The following IQCM variants were observed in gnomAD, a reference collection of about 807,000 sequenced individuals.
IQCM encodes IQ motif containing M, also known as IQ domain-containing protein M.
In IQCM, 45 loss-of-function variants were observed where a neutral mutation model predicts 57.6. The ratio of observed to expected loss-of-function variants is 0.78; its 90% confidence interval spans 0.62 to 1.00. IQCM has a LOEUF of 1.00. Among genes scored for constraint, IQCM ranks in the 50% least tolerant of loss-of-function variants. The pLI, the probability that IQCM is intolerant of heterozygous loss-of-function variation, is 0.00. For missense variants in IQCM, 468 were observed against 511.6 expected (o/e 0.91, Z 0.82); for synonymous variants, 148 against 158.9 (o/e 0.93, Z 0.51).
chr4:149,474,766 G>A (rs376694564), intron 12 of IQCM, among the ~76,000 whole-genome samples: 91 of 151,818 alleles, frequency 6.0e-4, no homozygotes, highest in African/African-American at 2.0e-3. Flanking sequence ...CAGAGTAGAC[G>A]TAACTGAGAA....
intron 8 of IQCM, among the ~76,000 whole-genome samples, chr4:149,605,125 G>T (rs1426525675): frequency 1.3e-5 from 2 of 152,118 alleles, no homozygotes; most frequent in East Asian, 3.9e-4. Flanking sequence ...CCCACATAAG[G>T]ATATCTCAGA....
chr4:149,744,151 C>A (rs992781622), intron 2 of IQCM, among the ~76,000 whole-genome samples: 1 of 152,162 alleles, frequency 6.6e-6, no homozygotes, highest in African/African-American at 2.4e-5. Flanking sequence ...GGGGAAAATA[C>A]CATTGCAGGT....
chr4:149,573,060 A>G (rs1218169420), intron 9 of IQCM, among the ~76,000 whole-genome samples: 4 of 151,890 alleles, frequency 2.6e-5, no homozygotes, highest in Non-Finnish European at 5.9e-5. Context: ...TTAGAAACAA[A>G]TATCTAAGTA....
chr4:149,550,673 T>C (rs1748943054), intron 11 of IQCM, among the ~76,000 whole-genome samples: 1 of 152,224 alleles, frequency 6.6e-6, no homozygotes, highest in African/African-American at 2.4e-5. Flanking sequence ...TGAAAATTAA[T>C]GAAATTTTCT....
At chr4:149,601,744 C>CAACCAACA (rs1754313512) in intron 8 of IQCM, among the ~76,000 whole-genome samples, 1 of 152,078 alleles carries the variant, frequency 6.6e-6, no homozygotes, top group South Asian at 2.1e-4. Flanking sequence ...TCTGCAGATT[C>CAACCAACA]AACCAACATT....
intron 12 of IQCM, among the ~76,000 whole-genome samples, chr4:149,485,159 G>C (rs1008305474): frequency 2.6e-5 from 4 of 151,918 alleles, no homozygotes; most frequent in East Asian, 1.9e-4. Flanking sequence ...ACCTTTGGGA[G>C]TTTGATTTTC....
At chr4:149,421,315 T>C (rs1336263562) in intron 13 of IQCM, among the ~76,000 whole-genome samples, 1 of 152,016 alleles carries the variant, frequency 6.6e-6, no homozygotes, top group Admixed American at 6.6e-5. Flanking sequence ...TGCACAGATA[T>C]GTGTCGAACT....
At chr4:149,744,379 G>A (rs1279478950) in intron 2 of IQCM, among the ~76,000 whole-genome samples, 1 of 152,102 alleles carries the variant, frequency 6.6e-6, no homozygotes, top group African/African-American at 2.4e-5. Flanking sequence ...GTATAAGAAG[G>A]AAATAAAAAT....
intron 9 of IQCM, among the ~76,000 whole-genome samples, chr4:149,586,272 A>G (rs1752634974): frequency 6.6e-6 from 1 of 151,706 alleles, no homozygotes; most frequent in African/African-American, 2.4e-5. Context: ...TTTTGAAAAC[A>G]AATTCAATTT....
chr4:149,597,836 C>T (rs1247503534), intron 8 of IQCM, among the ~76,000 whole-genome samples: 1 of 151,674 alleles, frequency 6.6e-6, no homozygotes, highest in African/African-American at 2.4e-5. Flanking sequence ...ATAAGAAGCC[C>T]AACAAAAATG....
chr4:149,720,940 CTA>C (rs1282747313), intron 5 of IQCM, among the ~76,000 whole-genome samples: 1 of 152,154 alleles, frequency 6.6e-6, no homozygotes, highest in African/African-American at 2.4e-5. Flanking sequence ...AAAACAATCT[CTA>C]GTTTCCACTT....
rs564152149 is a variant in IQCM at position 149,517,205 on chromosome 4, T to C, written c.1228+31250A>G. 3.2e-4 allele frequency among the ~76,000 whole-genome samples: 48 copies of C among 150,316 alleles called. No homozygotes were observed. The South Asian group carries it at 4.3e-3, about 13-fold the overall frequency. ...AATGGGTAGTAGAAGAAGGTAGTCA[T>C]CAGTTCCAGCTATGACCATGTAGCC... On this transcript the variant is annotated intron_variant, in intron 12 of 13. Coordinates refer to ENST00000636793, the MANE Select transcript of IQCM (RefSeq NM_001363507.2).
intron 7 of IQCM, among the ~76,000 whole-genome samples, chr4:149,637,840 G>A (rs1033133805): frequency 6.6e-6 from 1 of 152,104 alleles, no homozygotes; most frequent in African/African-American, 2.4e-5. Context: ...TGGCTCATAG[G>A]TCAAAATATG....
chr4:149,370,474 G>T (rs748391225), intron 13 of IQCM, among the ~76,000 whole-genome samples: 1 of 151,012 alleles, frequency 6.6e-6, no homozygotes, highest in African/African-American at 2.4e-5. Flanking sequence ...GTCCTCCTCC[G>T]CCCAGAGGAC....
At chr4:149,583,484 C>T (rs1280567551) in intron 9 of IQCM, among the ~76,000 whole-genome samples, 3 of 151,510 alleles carry the variant, frequency 2.0e-5, no homozygotes, top group African/African-American at 7.2e-5. Context: ...ATCAGTCAAG[C>T]ATTTTTAAAA....
chr4:149,794,696 A>G (rs1252698208), intron 2 of IQCM, among the ~76,000 whole-genome samples: 6 of 152,188 alleles, frequency 3.9e-5, no homozygotes, highest in Admixed American at 3.3e-4. Flanking sequence ...ATAGGAGCTT[A>G]AAGGAAATTG....
chr4:149,431,652 C>A (rs1734876748), intron 13 of IQCM, among the ~76,000 whole-genome samples: 2 of 151,940 alleles, frequency 1.3e-5, no homozygotes, highest in Non-Finnish European at 2.9e-5. Context: ...ACACTACCAT[C>A]AAATTTAAGC....
intron 12 of IQCM, among the ~76,000 whole-genome samples, chr4:149,491,653 T>A (rs1319479623): frequency 6.6e-6 from 1 of 152,144 alleles, no homozygotes; most frequent in Non-Finnish European, 1.5e-5. Context: ...TATCCATTCA[T>A]CCATTTATGG....
At position 149,441,611 on chromosome 4, in the gene IQCM, A is replaced by G. The variant is rs148114757; in HGVS notation, c.1229-8054T>C. On this transcript the variant is annotated intron_variant, in intron 12 of 13. Coordinates refer to ENST00000636793, the MANE Select transcript of IQCM (RefSeq NM_001363507.2). ...GCCTGTACACTTTTGGGAGTCCAGA[A>G]GCCTTCTTTCCATTAATACGGTTTC... Among the ~76,000 whole-genome samples, 20 of 152,224 alleles carry G rather than the reference A, an allele frequency of 1.3e-4. No homozygotes were observed. In the East Asian group the frequency reaches 3.3e-3, roughly 25 times the overall value.
Sources: gnomAD v4.1 joint callset for allele counts (sites outside exome capture counted in the v4.1 genomes callset) on GRCh38, gnomAD v4.1.1 for gene constraint, MANE v1.5 for transcripts, NCBI Gene and HGNC (gene_info 2026-07-23, HGNC 2026-07-21) for gene names.